CRNKL1: variants seen among roughly 807,000 people sequenced by gnomAD.
CRNKL1 encodes crooked neck pre-mRNA splicing factor 1.
CRNKL1 carries 35 observed loss-of-function variants against 103.7 expected under a neutral mutation model. That is an observed-to-expected ratio of 0.34 (90% CI 0.26 to 0.45). The LOEUF (loss-of-function observed/expected upper bound fraction) is 0.45. CRNKL1 is among the 20% of genes least tolerant of loss of function. The probability of loss-of-function intolerance (pLI) is 1.00; values close to 1 mark genes in which losing one functional copy is unlikely to be tolerated. For missense variants in CRNKL1, 645 were observed against 836.0 expected, an observed-to-expected ratio of 0.77 and a Z score of 2.82; for synonymous variants, 267 against 282.6, an observed-to-expected ratio of 0.94 and a Z score of 0.55.
chr20:20,052,537 G>A, upstream of CRNKL1: 1 of 1,614,230 alleles, frequency 6.2e-7, no homozygotes, highest in Non-Finnish European at 8.5e-7. Flanking sequence ...TGACCAGGCT[G>A]CGCGTCCTCC....
At chr20:20,053,402 T>A (rs2043930555), upstream of CRNKL1, among the ~76,000 whole-genome samples, 1 of 152,188 alleles carries the variant, frequency 6.6e-6, no homozygotes, top group South Asian at 2.1e-4. Flanking sequence ...AGTACATTTG[T>A]TACAATCTTG....
At chr20:20,050,718 T>C in intron 1 of CRNKL1, 96 bp from the exon 2 acceptor site, 3 of 1,143,046 alleles carry the variant, frequency 2.6e-6, no homozygotes, top group Non-Finnish European at 2.4e-6. Flanking sequence ...ACTTTGTTAG[T>C]ATTATCACAA....
At position 20,034,802 on chromosome 20, in the gene CRNKL1, T is replaced by TTTA. The variant is rs1333797152; in HGVS notation, c.*1390_*1392dup. The stretch of plus-strand genomic sequence containing the variant: ...TTTCTTCTGTCCTCAAACACTGTTA[T>TTTA]TTATTTTCAAGATAAAATTTAGTAA... On this transcript the variant is annotated 3_prime_UTR_variant, in exon 14 of 14. Coordinates refer to ENST00000536226, the MANE Select transcript of CRNKL1 (RefSeq NM_001278628.2). The TTTA allele has an allele frequency of 4.6e-5, 7 of 152,354 alleles. No homozygotes were observed. The highest frequency in any genetic ancestry group is 1.3e-4 in the Admixed American group (2 of 15,304). The allele number at this position is 152,354 out of a possible 1,614,324, so 9.4% of individuals were successfully genotyped here. A position where few individuals can be genotyped will look rare whatever the true frequency, so the allele number is the denominator to read the frequency against.
In CRNKL1 at chr20:20,035,400, G is replaced by A. The variant is rs372848212; in HGVS notation, c.*795C>T. ...GGACATCATTTTTCATAGCACACAC[G>A]TGAACAAGCCATTATTCTTTAAACA... On this transcript the variant is annotated 3_prime_UTR_variant, in exon 14 of 14. Transcript: ENST00000536226. 3.9e-5 allele frequency: 6 copies of A among 152,114 alleles called. No individual in the cohort carries two copies. Among genetic ancestry groups the A allele is most frequent in the Non-Finnish European group, 4.4e-5 (3 of 68,008 alleles). The allele number at this position is 152,114 out of a possible 1,614,324, so 9.4% of individuals were successfully genotyped here. A position where few individuals can be genotyped will look rare whatever the true frequency, so the allele number is the denominator to read the frequency against.
intron 5 of CRNKL1, among the ~76,000 whole-genome samples, chr20:20,046,565 T>C (rs2043597224): frequency 6.6e-6 from 1 of 152,234 alleles, no homozygotes; most frequent in South Asian, 2.1e-4. Flanking sequence ...CGTGTATATA[T>C]ACAATCTCAC....
intron 7 of CRNKL1, 85 bp downstream of exon 7, chr20:20,043,407 T>C (rs972071251): frequency 1.1e-5 from 14 of 1,296,564 alleles, no homozygotes; most frequent in Non-Finnish European, 1.5e-5. Flanking sequence ...GTAGTGCTAC[T>C]TGCTATTATT....
At chr20:20,038,634 A>G (rs942099973) in intron 11 of CRNKL1, 184 bp from the exon 12 acceptor site, 2 of 457,646 alleles carry the variant, frequency 4.4e-6, no homozygotes, top group African/African-American at 4.1e-5. Context: ...AAACTTGGCT[A>G]GAATTCCAGA....
Position 20,041,562 on chromosome 20 carries a change from A to C in CRNKL1, c.1224+4T>G. 1 of 1,609,700 alleles carries C rather than the reference A, an allele frequency of 6.2e-7. No homozygotes were observed. ...TGAAATGGAACACTTTAGAGCAAACATACCTTTTTGTGAGGAATTAGTTCC... is the reference window on the plus strand; with the variant it reads ...TGAAATGGAACACTTTAGAGCAAACCTACCTTTTTGTGAGGAATTAGTTCC... On this transcript the variant is annotated splice_donor_region_variant and intron_variant, in intron 9 of 13. Transcript: ENST00000536226.
chr20:20,039,713 A>C lies in CRNKL1; in HGVS notation c.1441T>G (p.Ser481Ala), dbSNP rs201343306. 9 of 1,614,104 alleles carry C rather than the reference A, an allele frequency of 5.6e-6. No homozygotes were observed. Among genetic ancestry groups the C allele is most frequent in the Non-Finnish European group, 6.8e-6 (8 of 1,180,044 alleles). Reference protein sequence around the residue: ...FLEFGPENCTSWIKFAELETI... With the variant: ...FLEFGPENCTAWIKFAELETI... ...TCTAATTCAGCGAATTTAATCCATG[A>C]GGTACAATTTTCAGGTCCAAATTCC... Residue 481 changes from serine (S) to alanine (A), a missense_variant, in exon 11 of 14, where the codon TCA (serine) becomes GCA (alanine). Transcript: ENST00000536226.
intron 11 of CRNKL1, among the ~76,000 whole-genome samples, 174 bp downstream of exon 11, chr20:20,039,435 T>C (rs1015184729): frequency 6.6e-6 from 1 of 152,160 alleles, no homozygotes; most frequent in African/African-American, 2.4e-5. Flanking sequence ...ATGAGAGGGC[T>C]ACTTCCCCTG....
upstream of CRNKL1, among the ~76,000 whole-genome samples, chr20:20,053,792 AAAAT>A (rs1368707464): frequency 2.0e-5 from 3 of 152,202 alleles, no homozygotes; most frequent in Non-Finnish European, 2.9e-5. Flanking sequence ...GCCACCTAAC[AAAAT>A]AAATAAATAT....
chr20:20,054,088 A>T (rs531319581), upstream of CRNKL1, among the ~76,000 whole-genome samples: 8 of 143,164 alleles, frequency 5.6e-5, no homozygotes, highest in South Asian at 1.7e-3. Context: ...TTGTAGATAT[A>T]CCTTCATGTT....
intron 7 of CRNKL1, among the ~76,000 whole-genome samples, chr20:20,043,161 T>G (rs1568759994): frequency 6.6e-6 from 1 of 152,212 alleles, no homozygotes; most frequent in East Asian, 1.9e-4. Flanking sequence ...AACAGGTTTT[T>G]GGACCAATCT....
At chr20:20,046,135 C>T (rs1242657100) in intron 5 of CRNKL1, among the ~76,000 whole-genome samples, 1 of 152,144 alleles carries the variant, frequency 6.6e-6, no homozygotes, top group Non-Finnish European at 1.5e-5. Flanking sequence ...TCCAATATGG[C>T]AAAGAAGAGC....
At chr20:20,054,143 C>G (rs192598953), upstream of CRNKL1, among the ~76,000 whole-genome samples, 9 of 147,886 alleles carry the variant, frequency 6.1e-5, no homozygotes, top group East Asian at 1.8e-3. Flanking sequence ...CCACTTCTTT[C>G]TGATTTTATT....
upstream of CRNKL1, among the ~76,000 whole-genome samples, chr20:20,055,399 G>A (rs968682388): frequency 1.3e-5 from 2 of 151,982 alleles, no homozygotes; most frequent in African/African-American, 4.8e-5. Flanking sequence ...TCACTTTCTT[G>A]GGCTGGTGAG....
intron 1 of CRNKL1, among the ~76,000 whole-genome samples, chr20:20,051,002 T>C (rs2043703607): frequency 6.6e-6 from 1 of 152,246 alleles, no homozygotes; most frequent in Non-Finnish European, 1.5e-5. Flanking sequence ...TTTACAGAAT[T>C]CTTCAACTTA....
At chr20:20,048,046 T>C in intron 4 of CRNKL1, 115 bp from the exon 5 acceptor site, 2 of 1,295,494 alleles carry the variant, frequency 1.5e-6, no homozygotes. Context: ...GTTTTGTCAT[T>C]TGTATGTAAA....
chr20:20,053,606 C>T (rs1204569000), upstream of CRNKL1, among the ~76,000 whole-genome samples: 1 of 152,272 alleles, frequency 6.6e-6, no homozygotes, highest in East Asian at 1.9e-4. Flanking sequence ...AGTAATATCA[C>T]GTCTACCAAT....
Sources: gnomAD v4.1 joint callset for allele counts (sites outside exome capture counted in the v4.1 genomes callset) on GRCh38, gnomAD v4.1.1 for gene constraint, MANE v1.5 for transcripts, NCBI Gene and HGNC (gene_info 2026-07-23, HGNC 2026-07-21) for gene names.